The following SORD variants were observed in gnomAD, a reference collection of about 807,000 sequenced individuals.
The protein encoded by SORD is (R,R)-butanediol dehydrogenase.
A neutral mutation model predicts 35.6 loss-of-function variants in SORD; 18 were observed. The ratio of observed to expected loss-of-function variants is 0.51; its 90% CI spans 0.35 to 0.75. The LOEUF (loss-of-function observed/expected upper bound fraction) is 0.75, where lower values mean the gene tolerates loss of function less well. SORD is among the 30% of genes least tolerant of loss of function. The pLI is 0.01. For missense variants in SORD, 250 were observed against 390.2 expected, an observed-to-expected ratio of 0.64 and a Z score of 3.03; for synonymous variants, 106 against 152.9, an observed-to-expected ratio of 0.69 and a Z score of 2.26.
At chr15:45,029,392 C>A (rs1024571934) in intron 1 of SORD, among the ~76,000 whole-genome samples, 1 of 152,280 alleles carries the variant, frequency 6.6e-6, no homozygotes, top group Admixed American at 6.5e-5. Context: ...CTGGGCCTAC[C>A]GTGCTCAACC....
chr15:45,028,351 A>ACC (rs1892714242), intron 1 of SORD, among the ~76,000 whole-genome samples: 2 of 151,924 alleles, frequency 1.3e-5, no homozygotes, highest in African/African-American at 4.8e-5. Flanking sequence ...CAAAAAAATT[A>ACC]TATAAACATT....
At chr15:45,052,334 T>C (rs1012207056) in intron 3 of SORD, among the ~76,000 whole-genome samples, 1 of 152,192 alleles carries the variant, frequency 6.6e-6, no homozygotes, top group Non-Finnish European at 1.5e-5. Flanking sequence ...GCACTGAGGC[T>C]AAAAGTTGTC....
intron 3 of SORD, among the ~76,000 whole-genome samples, chr15:45,052,732 CCT>C (rs1893145560): frequency 6.6e-6 from 1 of 152,098 alleles, no homozygotes; most frequent in South Asian, 2.1e-4. Context: ...CTGCTGAGCC[CCT>C]GTCTATCCAC....
intron 3 of SORD, among the ~76,000 whole-genome samples, chr15:45,045,045 T>C (rs1893025270): frequency 6.6e-6 from 1 of 152,180 alleles, no homozygotes; most frequent in East Asian, 1.9e-4. Context: ...CATTATTATC[T>C]TCATTAATTG....
At chr15:45,023,835 A>G (rs1428527224) in intron 1 of SORD, among the ~76,000 whole-genome samples, 2 of 152,188 alleles carry the variant, frequency 1.3e-5, no homozygotes, top group South Asian at 2.1e-4. Flanking sequence ...TGATCACAAG[A>G]GTACTCAGCA....
At chr15:45,028,236 G>A (rs1038740464) in intron 1 of SORD, among the ~76,000 whole-genome samples, 7 of 152,244 alleles carry the variant, frequency 4.6e-5, no homozygotes, top group Admixed American at 1.3e-4. Flanking sequence ...GCTGAGGCAC[G>A]AGAATCACTT....
intron 1 of SORD, among the ~76,000 whole-genome samples, chr15:45,039,572 C>T (rs191450522): frequency 2.2e-3 from 337 of 152,334 alleles, no homozygotes; most frequent in African/African-American, 6.0e-3. Flanking sequence ...ACAACTACTG[C>T]TGCTACTGCT....
intron 1 of SORD, 102 bp downstream of exon 1, chr15:45,023,451 G>T: frequency 1.9e-6 from 2 of 1,047,026 alleles, no homozygotes; most frequent in Non-Finnish European, 2.6e-6. Context: ...CGCCGGCCCC[G>T]CACCTTAAGC....
chr15:45,028,210 C>T (rs1892708895), intron 1 of SORD, among the ~76,000 whole-genome samples: 1 of 152,220 alleles, frequency 6.6e-6, no homozygotes, highest in South Asian at 2.1e-4. Flanking sequence ...AACCTGTAAT[C>T]CCAGCTACTC....
At chr15:45,069,194 CTTTTTTTTTTTTTTTTTTTT>C (rs752540495) in intron 7 of SORD, 142 bp downstream of exon 7, 1 of 116,272 alleles carries the variant, frequency 8.6e-6, no homozygotes, top group Non-Finnish European at 1.8e-5. Flanking sequence ...TTTTCTTTTT[CTTTTTTTTTTTTTTTTTTTT>C]TTTTTTTTTT....
intron 7 of SORD, among the ~76,000 whole-genome samples, chr15:45,071,285 G>A (rs138974220): frequency 1.8e-4 from 27 of 152,304 alleles, no homozygotes; most frequent in African/African-American, 5.5e-4. Flanking sequence ...AAGTGCTGAT[G>A]AGGAAGTAGT....
intron 5 of SORD, 109 bp downstream of exon 5, chr15:45,065,498 T>C: frequency 1.3e-6 from 2 of 1,488,728 alleles, no homozygotes; most frequent in Non-Finnish European, 1.8e-6. Context: ...AGAATCCTTC[T>C]GGGTAAGGGA....
Position 45,057,639 on chromosome 15 carries a change from C to T in SORD, c.266-3428C>T, listed in dbSNP as rs186725986. Among the ~76,000 whole-genome samples the T allele has an allele frequency of 8.9e-3, 1,358 of 152,016 alleles. 26 individuals carry two copies. Among genetic ancestry groups the T allele is most frequent in the African/African-American group, 0.032 (1,318 of 41,434 alleles). The stretch of plus-strand genomic sequence containing the variant: ...CTCTACTAAAAATACAAAAATTAGC[C>T]GGGTGTGGTGGCAGGTGCCTGTAGT... On this transcript the variant is annotated intron_variant, in intron 3 of 8. Coordinates refer to ENST00000267814, the MANE Select transcript of SORD (RefSeq NM_003104.6).
intron 4 of SORD, among the ~76,000 whole-genome samples, chr15:45,062,186 T>C (rs1354930725): frequency 2.0e-5 from 3 of 152,088 alleles, no homozygotes; most frequent in East Asian, 1.9e-4. Flanking sequence ...GTGGGCACCG[T>C]TATTGGGTTA....
intron 5 of SORD, 133 bp from the exon 6 acceptor site, chr15:45,068,048 G>T: frequency 4.2e-6 from 3 of 718,950 alleles, no homozygotes; most frequent in Non-Finnish European, 7.7e-6. Context: ...CAGCCGCTAA[G>T]GTCTTATCAT....
chr15:45,050,382 T>A (rs2467842), intron 3 of SORD: 145,193 of 152,394 alleles, frequency 0.95, 69,211 homozygotes, highest in Non-Finnish European at 0.97. Flanking sequence ...CGCCTGGCCC[T>A]ACTTTTCAAA....
At chr15:45,031,326 C>CAAAA (rs201515287) in intron 1 of SORD, among the ~76,000 whole-genome samples, 6 of 95,190 alleles carry the variant, frequency 6.3e-5, no homozygotes, top group African/African-American at 2.9e-4. Flanking sequence ...ACAACAACGA[C>CAAAA]AAAAAAAAAA....
chr15:45,074,116 AAAAC>A lies in SORD; in HGVS notation c.*598_*601del, dbSNP rs1174786725. ...TAATTTTTAAACCAATCAAATGAAA[AAAAC>A]AAACAAACAAAAAAGGAAATGTCAT... On this transcript the variant is annotated 3_prime_UTR_variant, in exon 9 of 9. Coordinates refer to ENST00000267814, the MANE Select transcript of SORD (RefSeq NM_003104.6). The A allele has an allele frequency of 2.2e-5, 3 of 134,124 alleles. No individual in the cohort carries two copies. Among genetic ancestry groups the A allele is most frequent in the Non-Finnish European group, 3.1e-5 (2 of 64,220 alleles). The allele number at this position is 134,124 out of a possible 1,614,324, so 8.3% of individuals were successfully genotyped here. A position where few individuals can be genotyped will look rare whatever the true frequency, so the allele number is the denominator to read the frequency against.
chr15:45,036,604 G>A (rs1380724207), intron 1 of SORD, among the ~76,000 whole-genome samples: 1 of 152,140 alleles, frequency 6.6e-6, no homozygotes, highest in East Asian at 1.9e-4. Context: ...TGAGGTGGGA[G>A]GATGGGAGGA....
Sources: allele counts gnomAD v4.1 joint callset (sites outside exome capture counted in the v4.1 genomes callset), GRCh38; gene constraint gnomAD v4.1.1; transcripts MANE v1.5; gene names NCBI Gene and HGNC (gene_info 2026-07-23, HGNC 2026-07-21).